GHR: variants seen among roughly 807,000 people sequenced by gnomAD.
GHR encodes the protein GH receptor.
GHR carries 35 observed loss-of-function variants against 67.1 expected under a neutral mutation model. The ratio of observed to expected loss-of-function variants is 0.52; its 90% confidence interval spans 0.40 to 0.69. The LOEUF (loss-of-function observed/expected upper bound fraction) is 0.69. Ranked by LOEUF, GHR falls within the 30% of genes least tolerant of loss-of-function variation. The probability of loss-of-function intolerance (pLI) is 0.00; values close to 1 mark genes in which losing one functional copy is unlikely to be tolerated. For missense variants in GHR, 792 were observed against 764.6 expected (o/e 1.04, Z -0.42); for synonymous variants, 272 against 269.1 (o/e 1.01, Z -0.10).
chr5:42,614,038 A>G (rs1753016597), intron 2 of GHR, among the ~76,000 whole-genome samples: 1 of 152,118 alleles, frequency 6.6e-6, no homozygotes, highest in African/African-American at 2.4e-5. Flanking sequence ...TTAGGACCTG[A>G]ACCGAATGCT....
intron 1 of GHR, among the ~76,000 whole-genome samples, chr5:42,522,994 A>G (rs547173977): frequency 2.0e-5 from 3 of 152,360 alleles, no homozygotes; most frequent in Non-Finnish European, 4.4e-5. Flanking sequence ...GGAATGAGAA[A>G]GAGATTTTTA....
At chr5:42,696,328 T>A (rs1347873259) in intron 5 of GHR, among the ~76,000 whole-genome samples, 1 of 151,954 alleles carries the variant, frequency 6.6e-6, no homozygotes, top group Non-Finnish European at 1.5e-5. Context: ...TGGAAATACG[T>A]GGAATGCAGA....
At chr5:42,621,624 T>C (rs1468200933) in intron 2 of GHR, among the ~76,000 whole-genome samples, 1 of 152,210 alleles carries the variant, frequency 6.6e-6, no homozygotes, top group East Asian at 1.9e-4. Context: ...ATTCTCAAAA[T>C]ACATTTACAG....
Position 42,464,150 on chromosome 5 carries a change from T to C in GHR, c.-12+40195T>C, listed in dbSNP as rs1407095307. On this transcript the variant is annotated intron_variant, in intron 1 of 9. Coordinates refer to ENST00000230882, the MANE Select transcript of GHR (RefSeq NM_000163.5). ...TTCTGACTTCTAATTTAGTTTGCTT[T>C]CATTATCTACTTACTACCTGCTGCT... Among the ~76,000 whole-genome samples the C allele has an allele frequency of 1.3e-5, 2 of 151,974 alleles. 1 individual carries two copies. The highest frequency in any genetic ancestry group is 4.8e-5 in the African/African-American group (2 of 41,356).
intron 1 of GHR, among the ~76,000 whole-genome samples, chr5:42,448,434 A>G (rs1245977011): frequency 1.3e-5 from 2 of 151,312 alleles, no homozygotes; most frequent in African/African-American, 4.9e-5. Flanking sequence ...CCACTTTTTG[A>G]TGGGATTATT....
chr5:42,586,077 C>T (rs565310159), intron 2 of GHR, among the ~76,000 whole-genome samples: 1 of 152,156 alleles, frequency 6.6e-6, no homozygotes, highest in Non-Finnish European at 1.5e-5. Context: ...AACTATGGCA[C>T]ACAAATGTTT....
In GHR at chr5:42,530,772, CT is replaced by C. The variant is rs547321919; in HGVS notation, c.-11-35090del. Reference sequence around the variant, plus strand: ...TGGCACAAACTAAGGCACTTATTCTCTTGTTTTTTCACTTCTTTCAATAAGA... The same window carrying C: ...TGGCACAAACTAAGGCACTTATTCTCTGTTTTTTCACTTCTTTCAATAAGA... On this transcript the variant is annotated intron_variant, in intron 1 of 9. Coordinates refer to ENST00000230882, the MANE Select transcript of GHR (RefSeq NM_000163.5). 1.2e-3 allele frequency among the ~76,000 whole-genome samples: 177 copies of C among 152,220 alleles called. 1 individual carries two copies. Among genetic ancestry groups the C allele is most frequent in the Non-Finnish European group, 2.2e-3 (152 of 68,006 alleles).
intron 3 of GHR, among the ~76,000 whole-genome samples, chr5:42,660,880 T>A (rs1755569561): frequency 6.6e-6 from 1 of 152,066 alleles, no homozygotes; most frequent in African/African-American, 2.4e-5. Flanking sequence ...GAAGAATGTA[T>A]AACTAGAATA....
intron 1 of GHR, among the ~76,000 whole-genome samples, chr5:42,448,611 A>ATTG (rs1217746550): frequency 7.2e-6 from 1 of 139,678 alleles, no homozygotes; most frequent in African/African-American, 2.7e-5. Context: ...TATTATTATT[A>ATTG]TTGCTGTGCA....
intron 5 of GHR, 61 bp downstream of exon 5, chr5:42,695,150 G>A: frequency 8.7e-7 from 1 of 1,147,506 alleles, no homozygotes; most frequent in Non-Finnish European, 1.3e-6. Flanking sequence ...GGGGAAGCCT[G>A]CAAGGTCCAA....
In GHR at chr5:42,543,873, C is replaced by T. The variant is rs981971590; in HGVS notation, c.-11-21991C>T. On this transcript the variant is annotated intron_variant, in intron 1 of 9. Coordinates refer to ENST00000230882, the MANE Select transcript of GHR (RefSeq NM_000163.5). ...GCTTCTCAATCTGCCCTCCAAGGCT[C>T]GTAACTGCTCTTTTAAATTTTTCAG... Among the ~76,000 whole-genome samples, 54 of 152,016 alleles carry T rather than the reference C, an allele frequency of 3.6e-4. 1 individual carries two copies. The highest frequency in any genetic ancestry group is 1.0e-3 in the African/African-American group (42 of 41,472).
intron 3 of GHR, among the ~76,000 whole-genome samples, chr5:42,640,695 AAT>A (rs1197878965): frequency 1.3e-5 from 2 of 152,192 alleles, no homozygotes; most frequent in African/African-American, 4.8e-5. Context: ...TTGGAAAAAA[AAT>A]AAATTTAAAA....
At chr5:42,702,779 C>T (rs910322331) in intron 6 of GHR, among the ~76,000 whole-genome samples, 1 of 152,022 alleles carries the variant, frequency 6.6e-6, no homozygotes, top group African/African-American at 2.4e-5. Flanking sequence ...GAGCTGATAG[C>T]TCATTGTGGT....
chr5:42,585,046 A>G (rs1329748962), intron 2 of GHR, among the ~76,000 whole-genome samples: 2 of 152,156 alleles, frequency 1.3e-5, no homozygotes, highest in African/African-American at 4.8e-5. Flanking sequence ...GTTGTGCCTC[A>G]ATTGAGCAGG....
intron 1 of GHR, among the ~76,000 whole-genome samples, chr5:42,439,580 T>C (rs1743476995): frequency 6.6e-6 from 1 of 152,230 alleles, no homozygotes; most frequent in African/African-American, 2.4e-5. Flanking sequence ...GATATAGTAC[T>C]GTAAATTTAT....
At chr5:42,443,988 T>TATAGATATAGATATAGAC (rs1743700230) in intron 1 of GHR, among the ~76,000 whole-genome samples, 1 of 151,508 alleles carries the variant, frequency 6.6e-6, no homozygotes, top group East Asian at 1.9e-4. Context: ...TAGATATAGA[T>TATAGATATAGATATAGAC]ATAGACATAG....
At chr5:42,489,060 T>C (rs1746002681) in intron 1 of GHR, among the ~76,000 whole-genome samples, 1 of 152,120 alleles carries the variant, frequency 6.6e-6, no homozygotes, top group Non-Finnish European at 1.5e-5. Flanking sequence ...TTCTTCACTA[T>C]ATGTCCTCTT....
At chr5:42,616,303 C>A (rs1358177997) in intron 2 of GHR, among the ~76,000 whole-genome samples, 1 of 151,892 alleles carries the variant, frequency 6.6e-6, no homozygotes, top group East Asian at 1.9e-4. Flanking sequence ...ATAATAATAG[C>A]AAAGGAGATG....
chr5:42,627,602 C>G (rs963048033), intron 2 of GHR, among the ~76,000 whole-genome samples: 1 of 152,234 alleles, frequency 6.6e-6, no homozygotes, highest in Non-Finnish European at 1.5e-5. Flanking sequence ...ACAGAGCTTG[C>G]GACAGGGATG....
Sources: allele counts gnomAD v4.1 joint callset (sites outside exome capture counted in the v4.1 genomes callset), GRCh38; gene constraint gnomAD v4.1.1; transcripts MANE v1.5; gene names NCBI Gene and HGNC (gene_info 2026-07-23, HGNC 2026-07-21).